The following EGFLAM variants were observed in gnomAD, a reference collection of about 807,000 sequenced individuals.
The protein encoded by EGFLAM is EGF like, fibronectin type III and laminin G domains.
Under a neutral mutation model 113.1 loss-of-function variants are expected in EGFLAM, and 79 were observed. The observed-to-expected ratio is 0.70, with a 90% CI of 0.58 to 0.84. EGFLAM has a LOEUF of 0.84. Ranked by LOEUF, EGFLAM falls within the 40% of genes least tolerant of loss-of-function variation. The pLI, the probability that EGFLAM is intolerant of heterozygous loss-of-function variation, is 0.00. For synonymous variants in EGFLAM, 504 were observed against 487.6 expected (o/e 1.03, Z -0.44); for missense variants, 1,265 against 1,291.6 (o/e 0.98, Z 0.32).
chr5:38,282,999 G>A (rs995767986), intron 1 of EGFLAM, among the ~76,000 whole-genome samples: 2 of 152,070 alleles, frequency 1.3e-5, no homozygotes, highest in Admixed American at 6.6e-5. Context: ...CTACAGGCAT[G>A]TGCCACCACA....
At chr5:38,270,638 C>T (rs55654829) in intron 1 of EGFLAM, among the ~76,000 whole-genome samples, 33,651 of 146,742 alleles carry the variant, frequency 0.23, 4,002 homozygotes, top group Middle Eastern at 0.37. Context: ...TGAATTCTAG[C>T]TTTAAAATTT....
In EGFLAM at chr5:38,435,208, GAAGAA is replaced by G; in HGVS notation, c.2239_2243del (p.Lys747LeufsTer18). The G allele has an allele frequency of 6.2e-7, 1 of 1,614,156 alleles. No individual in the cohort carries two copies. The highest frequency in any genetic ancestry group is 8.5e-7 in the Non-Finnish European group (1 of 1,180,024). ...GAGTCCCCAATTATGATGATGTGAA[GAAGAA>G]CTCGGGTGTCCTGAAGCCTTTCAGC... On this transcript the variant is annotated frameshift_variant, in exon 16 of 22. Transcript: ENST00000322350. LOFTEE classifies it high-confidence loss of function.
intron 1 of EGFLAM, among the ~76,000 whole-genome samples, chr5:38,259,642 C>A (rs900767273): frequency 4.6e-5 from 7 of 152,126 alleles, no homozygotes; most frequent in East Asian, 1.9e-4. Context: ...TCCCAAATAA[C>A]GATTTTTATT....
At chr5:38,312,564 A>T (rs1278754867) in intron 1 of EGFLAM, among the ~76,000 whole-genome samples, 1 of 152,142 alleles carries the variant, frequency 6.6e-6, no homozygotes, top group Non-Finnish European at 1.5e-5. Context: ...TATGTAAAAC[A>T]GGGATGATAA....
chr5:38,418,506 A>G (rs1741727019), intron 12 of EGFLAM, among the ~76,000 whole-genome samples: 1 of 152,202 alleles, frequency 6.6e-6, no homozygotes, highest in Non-Finnish European at 1.5e-5. Context: ...CTGTCCTGCT[A>G]GCAATTTGGG....
rs1359044692 is a variant in EGFLAM at position 38,407,788 on chromosome 5, T to C, written c.1148-17T>C. 2 of 1,580,196 alleles carry C rather than the reference T, an allele frequency of 1.3e-6. No homozygotes were observed. The highest frequency in any genetic ancestry group is 1.4e-5 in the African/African-American group (1 of 73,750). On this transcript the variant is annotated splice_polypyrimidine_tract_variant and intron_variant, in intron 8 of 21. Transcript: ENST00000322350. The stretch of plus-strand genomic sequence containing the variant: ...GAGGAAATAGCATTCTTTTGTGTTG[T>C]CTTTTTTCTTCTTCAGATATTGTTA...
intron 20 of EGFLAM, chr5:38,462,668 G>A (rs191689412): frequency 3.0e-5 from 13 of 439,116 alleles, no homozygotes; most frequent in Admixed American, 1.4e-4. Context: ...TGTGGTCTTC[G>A]CCGTGGAGTG....
At chr5:38,281,932 CA>C in intron 1 of EGFLAM, among the ~76,000 whole-genome samples, 1 of 152,112 alleles carries the variant, frequency 6.6e-6, no homozygotes, top group Non-Finnish European at 1.5e-5. Context: ...TTTCTGGACA[CA>C]AATGAAATAA....
chr5:38,338,906 G>T lies in EGFLAM; in HGVS notation c.291+125G>T. ...AACTAATGCTTGTAATAGTCCTTTA[G>T]GATTTCCAAATGTCATTCATGTACA... is the stretch of plus-strand genomic sequence containing the variant. On this transcript the variant is annotated intron_variant, in intron 3 of 21. Coordinates refer to ENST00000322350, the MANE Select transcript of EGFLAM (RefSeq NM_152403.4). The T allele has an allele frequency of 6.3e-6, 5 of 790,758 alleles. No homozygotes were observed. The South Asian group carries it at 8.2e-5, about 13-fold the overall frequency. 49.0% of individuals were successfully genotyped at this position (790,758 alleles called of 1,614,324 possible).
Position 38,372,573 on chromosome 5 carries a change from GT to G in EGFLAM, c.712+2115del, listed in dbSNP as rs1579834366. ...TTGAGTGGATAAGTTATATGAAAGT[GT>G]TTTACAGATCTGTGAGATTTTATTA... is the stretch of plus-strand genomic sequence containing the variant. On this transcript the variant is annotated intron_variant, in intron 6 of 21. Coordinates refer to ENST00000322350, the MANE Select transcript of EGFLAM (RefSeq NM_152403.4). 2.6e-5 allele frequency among the ~76,000 whole-genome samples: 4 copies of G among 152,304 alleles called. No homozygotes were observed. The East Asian group carries it at 7.7e-4, about 29-fold the overall frequency.
chr5:38,390,515 G>A (rs954607301), intron 6 of EGFLAM, among the ~76,000 whole-genome samples: 1 of 152,100 alleles, frequency 6.6e-6, no homozygotes, highest in African/African-American at 2.4e-5. Context: ...CATGTGCTTT[G>A]AAGTGCAACT....
At chr5:38,362,179 C>T (rs990487870) in intron 5 of EGFLAM, among the ~76,000 whole-genome samples, 40 of 152,106 alleles carry the variant, frequency 2.6e-4, no homozygotes, top group African/African-American at 8.5e-4. Flanking sequence ...TTATTGCTAT[C>T]GTTTTCTCAT....
intron 2 of EGFLAM, 73 bp from the exon 3 acceptor site, chr5:38,338,625 G>C (rs1399475937): frequency 7.2e-7 from 1 of 1,396,508 alleles, no homozygotes; most frequent in Non-Finnish European, 1.0e-6. Context: ...CTGCCACTGT[G>C]AGTGCAATTA....
intron 5 of EGFLAM, among the ~76,000 whole-genome samples, chr5:38,369,420 A>G (rs1218179941): frequency 6.6e-6 from 1 of 152,218 alleles, no homozygotes; most frequent in Non-Finnish European, 1.5e-5. Flanking sequence ...ACCATATTGG[A>G]TCATGCAGGT....
At position 38,444,426 on chromosome 5, in the gene EGFLAM, AAT is replaced by A. The variant is rs964029334; in HGVS notation, c.2465-3869_2465-3868del. ...CTATAGGATGACTATAGTTAACAAT[AAT>A]ATATAGTTTCAAATAACTGGCAGGA... On this transcript the variant is annotated intron_variant, in intron 17 of 21. Coordinates refer to ENST00000322350, the MANE Select transcript of EGFLAM (RefSeq NM_152403.4). 3.0e-4 allele frequency among the ~76,000 whole-genome samples: 46 copies of A among 152,272 alleles called. 1 individual carries two copies. Among genetic ancestry groups the A allele is most frequent in the Admixed American group, 2.7e-3 (42 of 15,298 alleles).
chr5:38,344,170 T>C (rs892791329), intron 3 of EGFLAM, among the ~76,000 whole-genome samples: 6 of 152,230 alleles, frequency 3.9e-5, no homozygotes, highest in African/African-American at 1.4e-4. Context: ...ATTTTGTCAA[T>C]GCAGAGTGAA....
chr5:38,379,897 C>T (rs1324177143), intron 6 of EGFLAM, among the ~76,000 whole-genome samples: 2 of 151,264 alleles, frequency 1.3e-5, no homozygotes, highest in South Asian at 2.1e-4. Flanking sequence ...TGCTTTTAGT[C>T]TTCCCAAAAA....
rs1052116962 is a variant in EGFLAM, at chr5:38,258,695, G to A, written c.-60G>A. On this transcript the variant is annotated 5_prime_UTR_variant, in exon 1 of 22. Coordinates refer to ENST00000322350, the MANE Select transcript of EGFLAM (RefSeq NM_152403.4). ...GGGCCGCGTCCCCCACGCGCCCCCG[G>A]AGACGCCCTTTCCGTGTGCGCCCGG... 1.9e-6 allele frequency: 3 copies of A among 1,552,350 alleles called. No homozygotes were observed. In the Admixed American group the frequency reaches 5.7e-5, roughly 29 times the overall value.
At chr5:38,273,241 G>A (rs1244402123) in intron 1 of EGFLAM, among the ~76,000 whole-genome samples, 4 of 152,178 alleles carry the variant, frequency 2.6e-5, no homozygotes, top group Admixed American at 2.6e-4. Flanking sequence ...CTCTAATTCT[G>A]GGCTCACCAC....
Sources: allele counts gnomAD v4.1 joint callset (sites outside exome capture counted in the v4.1 genomes callset), GRCh38; gene constraint gnomAD v4.1.1; transcripts MANE v1.5; gene names NCBI Gene and HGNC (gene_info 2026-07-23, HGNC 2026-07-21).